The following IZUMO3 variants were observed in gnomAD, a reference collection of about 807,000 sequenced individuals.
The protein encoded by IZUMO3 is IZUMO family member 3, also known as izumo sperm-egg fusion protein 3.
In IZUMO3, 36 loss-of-function variants were observed where a neutral mutation model predicts 28.4. The observed-to-expected ratio is 1.27, with a 90% CI of 0.97 to 1.67. IZUMO3 has a LOEUF of 1.67. Ranked by LOEUF, IZUMO3 falls within the 40% of genes most tolerant of loss-of-function variation. The pLI is 0.00. For missense variants in IZUMO3, 387 were observed against 278.5 expected, an observed-to-expected ratio of 1.39 and a Z score of -2.77; for synonymous variants, 126 against 99.2, an observed-to-expected ratio of 1.27 and a Z score of -1.61.
At position 24,545,530 on chromosome 9, in the gene IZUMO3, T is replaced by G; in HGVS notation, c.120A>C (p.Ile40=). The G allele has an allele frequency of 6.5e-7, 1 of 1,535,242 alleles. No homozygotes were observed. The highest frequency in any genetic ancestry group is 8.7e-7 in the Non-Finnish European group (1 of 1,146,674). The change falls in exon 1 of 7, where the codon ATA becomes ATC. Residue 40 remains isoleucine, a synonymous_variant. Transcript: ENST00000543880. ...EDVGSLLGNL[I]PSEVPGRTQL... ...GAGTTCGGCCGGGGACTTCTGAAGG[T>G]ATCAGATTTCCCAGCAAGGAGCCAA...
In IZUMO3 at chr9:24,545,822, C is replaced by G; in HGVS notation, c.-173G>C. The G allele has an allele frequency of 3.9e-6, 6 of 1,543,442 alleles. No individual in the cohort carries two copies. Among genetic ancestry groups the G allele is most frequent in the Non-Finnish European group, 5.2e-6 (6 of 1,144,052 alleles). ...ATCTTTAGTTGTTTAGTTTAATGAT[C>G]TTTAGTTGTTTACTGACTATTATCC... On this transcript the variant is annotated 5_prime_UTR_variant, in exon 1 of 7. Coordinates refer to ENST00000543880, the MANE Select transcript of IZUMO3 (RefSeq NM_001365008.2).
At position 24,545,474 on chromosome 9, in the gene IZUMO3, A is replaced by G. The variant is rs754301511; in HGVS notation, c.176T>C (p.Ile59Thr). The change falls in exon 1 of 7, where the codon ATT becomes ACT. Residue 59 changes from isoleucine to threonine, a missense_variant. By Grantham distance (89) the Ile-to-Thr change is moderately conservative. Coordinates refer to ENST00000543880, the MANE Select transcript of IZUMO3 (RefSeq NM_001365008.2). ...QLLERQIKEM[I>T]HLSFKVSHSD... ...GTGGGAGACCTTGAAGCTTAAATGA[A>G]TCATCTCCTTAATCTGCCGTTCAAG... The G allele has an allele frequency of 2.9e-5, 45 of 1,536,040 alleles. No individual in the cohort carries two copies. The highest frequency in any genetic ancestry group is 2.0e-4 in the South Asian group (17 of 84,050).
Position 24,543,142 on chromosome 9 carries a change from G to C in IZUMO3, c.*87C>G. On this transcript the variant is annotated 3_prime_UTR_variant, in exon 7 of 7. Coordinates refer to ENST00000543880, the MANE Select transcript of IZUMO3 (RefSeq NM_001365008.2). ...CAGTTTTAAAATACTATGACTTTAT[G>C]ACCAAGAAAGGGTTTACCTCCCAGT... 3 of 1,046,932 alleles carry C rather than the reference G, an allele frequency of 2.9e-6. No homozygotes were observed. The highest frequency in any genetic ancestry group is 3.9e-6 in the Non-Finnish European group (3 of 766,076). 64.9% of individuals were successfully genotyped at this position (1,046,932 alleles called of 1,614,324 possible). A position where few individuals can be genotyped will look rare whatever the true frequency, so the allele number is the denominator to read the frequency against.
chr9:24,545,479 C>T lies in IZUMO3; in HGVS notation c.171G>A (p.Glu57=). 1 of 1,535,836 alleles carries T rather than the reference C, an allele frequency of 6.5e-7. No homozygotes were observed. Among genetic ancestry groups the T allele is most frequent in the Non-Finnish European group, 8.7e-7 (1 of 1,146,720 alleles). Residue 57 remains glutamate (E), a synonymous_variant, in exon 1 of 7, where the codon GAG becomes GAA. Transcript: ENST00000543880. ...AGACCTTGAAGCTTAAATGAATCAT[C>T]TCCTTAATCTGCCGTTCAAGCAGCT... ...RTQLLERQIK[E]MIHLSFKVSH...
rs1819493697 is a variant in IZUMO3 at position 24,543,331 on chromosome 9, C to T, written c.618G>A (p.Lys206=). Residue 206 remains lysine, a synonymous_variant, in exon 7 of 7, where the codon AAG becomes AAA. Coordinates refer to ENST00000543880, the MANE Select transcript of IZUMO3 (RefSeq NM_001365008.2). ...ATTCCTTTAGCGACCTTCGTATTGC[C>T]TTCATTTTCCTCCGATGAAAGATGC... ...HFCIFHRRKM[K]AIRRSLKEYV... is the part of the protein sequence containing the mutation. The T allele has an allele frequency of 1.3e-6, 2 of 1,544,702 alleles. No individual in the cohort carries two copies. The highest frequency in any genetic ancestry group is 1.7e-4 in the Middle Eastern group (1 of 5,966).
At position 24,545,669 on chromosome 9, in the gene IZUMO3, C is replaced by G. The variant is rs771563385; in HGVS notation, c.-20G>C. 6.5e-6 allele frequency: 10 copies of G among 1,534,630 alleles called. No homozygotes were observed. The Admixed American group carries it at 1.8e-4, about 27-fold the overall frequency. On this transcript the variant is annotated 5_prime_UTR_variant, in exon 1 of 7. Coordinates refer to ENST00000543880, the MANE Select transcript of IZUMO3 (RefSeq NM_001365008.2). ...ACCCATTTCTTTCTTCACCCCCGCT[C>G]CCCGACAGCAGGTTGTCCTGGCAAC...
chr9:24,543,491 T>G (rs910246723), intron 6 of IZUMO3, 124 bp from the exon 7 acceptor site: 21 of 667,654 alleles, frequency 3.1e-5, no homozygotes, highest in Non-Finnish European at 4.3e-5. Context: ...CTTCTCCATT[T>G]CCTTTTGTTC....
Position 24,545,460 on chromosome 9 carries a change from T to G in IZUMO3, c.190A>C (p.Lys64Gln). The G allele has an allele frequency of 6.5e-7, 1 of 1,536,820 alleles. No homozygotes were observed. ...QIKEMIHLSF[K>Q]VSHSDKRLRV... ...AGCCTCTTGTCACTGTGGGAGACCT[T>G]GAAGCTTAAATGAATCATCTCCTTA... is the stretch of plus-strand genomic sequence containing the variant. Residue 64 changes from lysine (K) to glutamine (Q), a missense_variant, in exon 1 of 7, where the codon AAG becomes CAG. Transcript: ENST00000543880.
Position 24,545,453 on chromosome 9 carries a change from G to C in IZUMO3, c.197C>G (p.Ser66Cys). 1 of 1,537,442 alleles carries C rather than the reference G, an allele frequency of 6.5e-7. No individual in the cohort carries two copies. The highest frequency in any genetic ancestry group is 1.2e-5 in the South Asian group (1 of 84,046). ...CACCCGAAGCCTCTTGTCACTGTGG[G>C]AGACCTTGAAGCTTAAATGAATCAT... ...KEMIHLSFKV[S>C]HSDKRLRVLA... Residue 66 changes from serine to cysteine, a missense_variant, in exon 1 of 7, where the codon TCC becomes TGC. Physicochemically the swap from Ser to Cys is moderately radical, Grantham distance 112. Coordinates refer to ENST00000543880, the MANE Select transcript of IZUMO3 (RefSeq NM_001365008.2).
At chr9:24,544,939 C>A (rs1254345813) in intron 3 of IZUMO3, 33 bp downstream of exon 3, 1 of 1,455,178 alleles carries the variant, frequency 6.9e-7, no homozygotes, top group East Asian at 2.5e-5. Flanking sequence ...CTTCATATAA[C>A]TTCAGTGCTG....
At chr9:24,543,451 T>TG (rs1247675734) in intron 6 of IZUMO3, 84 bp from the exon 7 acceptor site, 12 of 831,640 alleles carry the variant, frequency 1.4e-5, no homozygotes, top group African/African-American at 1.9e-5. Flanking sequence ...TTTTTTTTTT[T>TG]TTTTTTTTTT....
At chr9:24,543,450 T>TTG (rs1563907596) in intron 6 of IZUMO3, 83 bp from the exon 7 acceptor site, 17 of 818,324 alleles carry the variant, frequency 2.1e-5, no homozygotes, top group Admixed American at 4.7e-5. Context: ...TTTTTTTTTT[T>TTG]TTTTTTTTTT....
chr9:24,543,512 C>G, intron 6 of IZUMO3, 145 bp from the exon 7 acceptor site: 1 of 538,620 alleles, frequency 1.9e-6, no homozygotes, highest in Non-Finnish European at 2.6e-6. Flanking sequence ...CAACTATTAT[C>G]CCGTCAAACT....
At chr9:24,545,382 C>T (rs561597690) in intron 1 of IZUMO3, 42 bp downstream of exon 1, 27 of 1,546,506 alleles carry the variant, frequency 1.7e-5, no homozygotes, top group Middle Eastern at 1.7e-4. Context: ...CTCCCTTCTC[C>T]GTTTAAGCCC....
chr9:24,544,642 G>T, intron 4 of IZUMO3, 101 bp downstream of exon 4: 1 of 999,812 alleles, frequency 1.0e-6, no homozygotes, highest in South Asian at 1.4e-5. Flanking sequence ...TCTAGGAATT[G>T]GTTTCCCAGT....
Position 24,545,280 on chromosome 9 carries a change from T to G in IZUMO3, c.233A>C (p.Gln78Pro). 6.5e-7 allele frequency: 1 copy of G among 1,550,274 alleles called. No homozygotes were observed. The highest frequency in any genetic ancestry group is 8.7e-7 in the Non-Finnish European group (1 of 1,146,746). ...SDKRLRVLAV[Q>P]QVVKLRTWLK... is the part of the protein sequence containing the mutation. The stretch of plus-strand genomic sequence containing the variant: ...CCATGTTCTCAACTTAACAACCTGC[T>G]GAACAGCTAGAGAGGGAGAGTAAAG... Residue 78 changes from glutamine (Q) to proline (P), a missense_variant, in exon 2 of 7, where the codon CAG becomes CCG. Gln to Pro is a moderately conservative substitution (Grantham distance 76). Coordinates refer to ENST00000543880, the MANE Select transcript of IZUMO3 (RefSeq NM_001365008.2).
In IZUMO3 at chr9:24,545,773, C is replaced by A. The variant is rs752721874; in HGVS notation, c.-124G>T. 2.5e-4 allele frequency: 382 copies of A among 1,534,618 alleles called. No homozygotes were observed. The highest frequency in any genetic ancestry group is 6.4e-4 in the Middle Eastern group (3 of 4,674). On this transcript the variant is annotated 5_prime_UTR_variant, in exon 1 of 7. Coordinates refer to ENST00000543880, the MANE Select transcript of IZUMO3 (RefSeq NM_001365008.2). ...GGATAGTCTGACTCCACTTTTCCCG[C>A]TGTTTCCATCCCACTATCGGGCAAT... is the stretch of plus-strand genomic sequence containing the variant.
At chr9:24,544,347 T>A in intron 4 of IZUMO3, 66 bp from the exon 5 acceptor site, 1 of 1,103,694 alleles carries the variant, frequency 9.1e-7, no homozygotes, top group Non-Finnish European at 1.3e-6. Context: ...TAGTCATACA[T>A]CAAGTGTGGA....
intron 6 of IZUMO3, 82 bp downstream of exon 6, chr9:24,543,582 A>G: frequency 7.2e-6 from 8 of 1,112,684 alleles, no homozygotes; most frequent in Non-Finnish European, 1.0e-5. Context: ...CTTTATTTCC[A>G]TTTGGAGGAA....
Sources: gnomAD v4.1 joint callset for allele counts on GRCh38, gnomAD v4.1.1 for gene constraint, MANE v1.5 for transcripts, NCBI Gene and HGNC (gene_info 2026-07-23, HGNC 2026-07-21) for gene names.